DMD: variants seen among roughly 807,000 people sequenced by gnomAD.
DMD encodes the protein mutant dystrophin.
A neutral mutation model predicts 330.1 loss-of-function variants in DMD; 63 were observed. That is an observed-to-expected ratio of 0.19 (90% CI 0.16 to 0.24). The LOEUF is 0.24. Among genes scored for constraint, DMD ranks in the 10% least tolerant of loss-of-function variants. DMD has a pLI of 1.00. For synonymous variants in DMD, 1,223 were observed against 959.8 expected (o/e 1.27, Z -5.07); for missense variants, 3,344 against 2,684.1 (o/e 1.25, Z -5.43).
At chrX:31,449,817 A>T (rs5901986) in intron 59 of DMD, among the ~76,000 whole-genome samples, 16,386 of 82,510 alleles carry the variant, frequency 0.2, 2,396 homozygotes, top group African/African-American at 0.44. Context: ...GATAGATAGA[A>T]ATCTGGCTAT....
At chrX:32,180,277 A>T (rs1381991056) in intron 44 of DMD, among the ~76,000 whole-genome samples, 2 of 111,458 alleles carry the variant, frequency 1.8e-5, no homozygotes, top group Non-Finnish European at 3.8e-5. Context: ...TTATAGTATT[A>T]CTCTGAAATA....
intron 23 of DMD, among the ~76,000 whole-genome samples, chrX:32,467,354 C>T (rs1353268133): frequency 9.0e-6 from 1 of 110,679 alleles, no homozygotes; most frequent in Non-Finnish European, 1.9e-5. Context: ...GGCTTTTAGA[C>T]CTTAATGCAA....
intron 61 of DMD, among the ~76,000 whole-genome samples, chrX:31,333,815 A>C (rs769431677): frequency 2.1e-3 from 230 of 111,646 alleles, no homozygotes; most frequent in African/African-American, 6.7e-3. Context: ...TATCTCATTA[A>C]AACATTAGTG....
In DMD at chrX:31,444,503, T is replaced by C; in HGVS notation, c.9062A>G (p.Asn3021Ser). 8.3e-7 allele frequency: 1 copy of C among 1,211,931 alleles called. No individual in the cohort carries two copies. The highest frequency in any genetic ancestry group is 1.7e-5 in the African/African-American group (1 of 57,875). ...PYNLSTLEDL[N>S]TRWKLLQVAV... is the part of the protein sequence containing the mutation. ...TACCTGCAGAAGCTTCCATCTGGTGTTCAGGTCTTCCAGAGTGCTGAGGTT... is the reference window on the plus strand; with the variant it reads ...TACCTGCAGAAGCTTCCATCTGGTGCTCAGGTCTTCCAGAGTGCTGAGGTT... The change falls in exon 60 of 79, where the codon AAC (asparagine) becomes AGC (serine). Residue 3021 changes from asparagine (N) to serine (S), a missense_variant. Coordinates refer to ENST00000357033, the MANE Select transcript of DMD (RefSeq NM_004006.3).
At chrX:31,986,488 C>G (rs1252758769) in intron 44 of DMD, among the ~76,000 whole-genome samples, 1 of 111,136 alleles carries the variant, frequency 9.0e-6, no homozygotes, top group Non-Finnish European at 1.9e-5. Context: ...TCCCGGCTCA[C>G]TGCAACCTCT....
At chrX:32,269,850 G>A (rs1486441674) in intron 43 of DMD, among the ~76,000 whole-genome samples, 2 of 111,895 alleles carry the variant, frequency 1.8e-5, no homozygotes, top group Non-Finnish European at 3.8e-5. Flanking sequence ...AAATTTAATG[G>A]AGTCCTTCCC....
chrX:32,253,030 A>C (rs1199966618), intron 43 of DMD, among the ~76,000 whole-genome samples: 1 of 99,877 alleles, frequency 1.0e-5, no homozygotes, highest in Non-Finnish European at 2.0e-5. Context: ...CCGATCGATT[A>C]AGTATTGGTA....
intron 9 of DMD, among the ~76,000 whole-genome samples, chrX:32,671,378 A>T (rs1232880647): frequency 1.8e-5 from 2 of 111,292 alleles, no homozygotes; most frequent in Admixed American, 9.6e-5. Context: ...CACTCTGAGA[A>T]AAAGAGACAG....
intron 2 of DMD, among the ~76,000 whole-genome samples, chrX:32,864,332 G>A (rs1485180848): frequency 2.7e-5 from 3 of 111,429 alleles, no homozygotes; most frequent in Non-Finnish European, 5.7e-5. Context: ...TTGGACTTAG[G>A]CAGTGTATCT....
intron 18 of DMD, among the ~76,000 whole-genome samples, chrX:32,508,962 A>T (rs228322): frequency 9.2e-6 from 1 of 108,488 alleles, no homozygotes; most frequent in Non-Finnish European, 1.9e-5. Flanking sequence ...AGGCGCCCGC[A>T]ACCATGCCCG....
At chrX:31,399,155 A>G (rs1003503858) in intron 60 of DMD, among the ~76,000 whole-genome samples, 2 of 110,486 alleles carry the variant, frequency 1.8e-5, no homozygotes, top group Non-Finnish European at 3.8e-5. Flanking sequence ...TCCAGGAGGA[A>G]TGAGGTCACA....
chrX:33,070,665 CTCTCTCTCTATATA>C (rs1371481319), intron 1 of DMD, among the ~76,000 whole-genome samples: 1 of 45,882 alleles, frequency 2.2e-5, no homozygotes, highest in Non-Finnish European at 3.8e-5. Context: ...CTCTCTCTCT[CTCTCTCTCTATATA>C]TATATATATA....
chrX:31,370,253 A>G lies in DMD; in HGVS notation c.9085-21619T>C, dbSNP rs952489374. ...AATTCTTTTTCATCCCCTGTTAAGA[A>G]GATGAAAAGATGAGAGAGAAAACAT... On this transcript the variant is annotated intron_variant, in intron 60 of 78. Transcript: ENST00000357033. Among the ~76,000 whole-genome samples, 3 of 111,817 alleles carry G rather than the reference A, an allele frequency of 2.7e-5. No homozygotes were observed. The Admixed American group carries it at 2.9e-4, about 11-fold the overall frequency.
intron 1 of DMD, among the ~76,000 whole-genome samples, chrX:33,228,512 G>A (rs985375789): frequency 1.3e-4 from 14 of 110,021 alleles, no homozygotes; most frequent in South Asian, 3.8e-4. Context: ...GGGCTACTTC[G>A]ATAAAACCTC....
At chrX:32,417,871 G>C (rs2098172254) in intron 29 of DMD, among the ~76,000 whole-genome samples, 1 of 108,246 alleles carries the variant, frequency 9.2e-6, no homozygotes, top group Admixed American at 1.0e-4. Context: ...GCTACAAATA[G>C]CTAGTTAACA....
chrX:31,213,143 C>G (rs2148624263), intron 64 of DMD, among the ~76,000 whole-genome samples: 1 of 112,543 alleles, frequency 8.9e-6, no homozygotes, highest in East Asian at 2.8e-4. Flanking sequence ...CTTTGCACTT[C>G]AAGAAAGTCA....
At chrX:32,472,686 T>A (rs1410426935) in intron 21 of DMD, among the ~76,000 whole-genome samples, 1 of 111,189 alleles carries the variant, frequency 9.0e-6, no homozygotes, top group East Asian at 2.8e-4. Context: ...TATCTGATAC[T>A]GAAAGGCTAC....
At chrX:33,065,405 T>C (rs757606997) in intron 1 of DMD, among the ~76,000 whole-genome samples, 17 of 112,645 alleles carry the variant, frequency 1.5e-4, no homozygotes, top group African/African-American at 4.5e-4. Context: ...TTTAATGAGA[T>C]AGAAACAATT....
chrX:32,466,592 G>A (rs774438765), intron 23 of DMD, among the ~76,000 whole-genome samples: 1 of 111,185 alleles, frequency 9.0e-6, no homozygotes, highest in South Asian at 3.8e-4. Context: ...AGGGCATAAT[G>A]TAATCACAAA....
Sources: gnomAD v4.1 joint callset for allele counts (sites outside exome capture counted in the v4.1 genomes callset) on GRCh38, gnomAD v4.1.1 for gene constraint, MANE v1.5 for transcripts, NCBI Gene and HGNC (gene_info 2026-07-23, HGNC 2026-07-21) for gene names.